PRKAR1A: variants seen among roughly 807,000 people sequenced by gnomAD.
PRKAR1A encodes the protein cAMP-dependent protein kinase type I-alpha regulatory subunit.
PRKAR1A carries 3 observed loss-of-function variants against 52.0 expected under a neutral mutation model. The ratio of observed to expected loss-of-function variants is 0.06; its 90% CI spans 0.03 to 0.15. PRKAR1A has a LOEUF of 0.15. PRKAR1A is among the 10% of genes least tolerant of loss of function. The probability of loss-of-function intolerance (pLI) is 1.00; values close to 1 mark genes in which losing one functional copy is unlikely to be tolerated. For synonymous variants in PRKAR1A, 188 were observed against 168.4 expected (o/e 1.12, Z -0.90); for missense variants, 240 against 477.4 (o/e 0.50, Z 4.63).
rs541902537 is a variant in PRKAR1A, at chr17:68,531,222, C to T, written c.*773C>T. 10 of 1,066,240 alleles carry T rather than the reference C, an allele frequency of 9.4e-6. No homozygotes were observed. The highest frequency in any genetic ancestry group is 4.2e-4 in the Middle Eastern group (1 of 2,400). The allele number at this position is 1,066,240 out of a possible 1,614,324, so 66.0% of individuals were successfully genotyped here. On this transcript the variant is annotated 3_prime_UTR_variant, in exon 11 of 11. Transcript: ENST00000589228. ...TACATCTGCCTCGGCTCACAAATTC[C>T]GATTAGACCTTTATCCAGCTAGTGC...
At chr17:68,443,013 C>T in the PRKAR1A span, among the ~76,000 whole-genome samples, 4 of 152,330 alleles carry the variant, frequency 2.6e-5, no homozygotes, top group African/African-American at 7.2e-5. Context: ...CTTCACGTAC[C>T]GTCTTCCATT....
chr17:68,437,161 G>A, the PRKAR1A span, among the ~76,000 whole-genome samples: 1 of 152,188 alleles, frequency 6.6e-6, no homozygotes, highest in Non-Finnish European at 1.5e-5. Flanking sequence ...TTCCTATAGT[G>A]AAAAGTCAGT....
At chr17:68,457,854 C>T in the PRKAR1A span, among the ~76,000 whole-genome samples, 1 of 152,136 alleles carries the variant, frequency 6.6e-6, no homozygotes, top group African/African-American at 2.4e-5. Flanking sequence ...GCCCACGTGG[C>T]GGTGTTTTCA....
the PRKAR1A span, chr17:68,424,669 A>G: frequency 2.8e-6 from 1 of 361,888 alleles, no homozygotes; most frequent in South Asian, 2.0e-5. Flanking sequence ...TGAGGTCAGG[A>G]GTTTGAGACC....
chr17:68,432,601 G>C, the PRKAR1A span, among the ~76,000 whole-genome samples: 1 of 152,144 alleles, frequency 6.6e-6, no homozygotes, highest in East Asian at 1.9e-4. Context: ...GTATCAGCGT[G>C]ATAAGGTGCC....
At chr17:68,534,560 C>CTTTTTTTTTTTTTTTTTTTTCTT (rs34994040), downstream of PRKAR1A, among the ~76,000 whole-genome samples, 2 of 111,054 alleles carry the variant, frequency 1.8e-5, no homozygotes, top group Non-Finnish European at 3.7e-5. Context: ...TTTTTAGTGC[C>CTTTTTTTTTTTTTTTTTTTTCTT]TTTTTTTTTT....
chr17:68,512,847 C>G (rs949924187), intron 1 of PRKAR1A: 1 of 152,162 alleles, frequency 6.6e-6, no homozygotes, highest in Admixed American at 6.5e-5. Flanking sequence ...CCGCGGCCCT[C>G]CCCGGCCGCC....
intron 11 of PRKAR1A, chr17:68,541,031 C>T (rs1289761487): frequency 3.9e-6 from 6 of 1,545,746 alleles, no homozygotes; most frequent in Non-Finnish European, 5.2e-6. Flanking sequence ...CCACACCTCC[C>T]CCTGCCCCCC....
intron 11 of PRKAR1A, among the ~76,000 whole-genome samples, chr17:68,546,901 ATGT>A (rs1401091978): frequency 2.0e-5 from 3 of 151,404 alleles, no homozygotes; most frequent in Admixed American, 2.0e-4. Flanking sequence ...TGCAGAATGG[ATGT>A]TGTGTTAGCA....
the PRKAR1A span, among the ~76,000 whole-genome samples, chr17:68,439,497 G>A: frequency 1.3e-5 from 2 of 152,130 alleles, no homozygotes; most frequent in African/African-American, 4.8e-5. Context: ...GGGAGTGATG[G>A]CTTAGAGGTA....
the PRKAR1A span, among the ~76,000 whole-genome samples, chr17:68,479,387 G>A: frequency 6.6e-6 from 1 of 152,050 alleles, no homozygotes; most frequent in East Asian, 1.9e-4. Context: ...TTGCAATTTT[G>A]CTTTGCTATT....
At chr17:68,510,009 G>T (rs1269495148), upstream of PRKAR1A, among the ~76,000 whole-genome samples, 3 of 152,154 alleles carry the variant, frequency 2.0e-5, no homozygotes, top group African/African-American at 7.2e-5. Context: ...AACTGCACTT[G>T]GAAGGTAACA....
At chr17:68,477,965 C>A in the PRKAR1A span, among the ~76,000 whole-genome samples, 1 of 152,134 alleles carries the variant, frequency 6.6e-6, no homozygotes, top group Non-Finnish European at 1.5e-5. Context: ...TCAGGTGATC[C>A]GCCTGCCTCA....
the PRKAR1A span, among the ~76,000 whole-genome samples, chr17:68,433,776 T>TTTTTG: frequency 1.6e-4 from 10 of 63,124 alleles, no homozygotes; most frequent in African/African-American, 4.5e-4. Context: ...TTTTTTTTTT[T>TTTTTG]TTTTTTTTTT....
downstream of PRKAR1A, chr17:68,536,083 C>T (rs1270475754): frequency 2.2e-6 from 1 of 453,988 alleles, no homozygotes; most frequent in African/African-American, 2.0e-5. Flanking sequence ...TTTAGAGAGA[C>T]ACAAAGTCCA....
At chr17:68,536,864 T>G (rs1456922945), downstream of PRKAR1A, 1 of 454,160 alleles carries the variant, frequency 2.2e-6, no homozygotes, top group Non-Finnish European at 4.4e-6. Flanking sequence ...CAAATCCCTC[T>G]TTTATTTTTG....
chr17:68,474,358 T>C, the PRKAR1A span, among the ~76,000 whole-genome samples: 4 of 152,180 alleles, frequency 2.6e-5, no homozygotes, highest in Non-Finnish European at 4.4e-5. Context: ...ATAAAAAGGA[T>C]GCTGACAGAA....
intron 11 of PRKAR1A, among the ~76,000 whole-genome samples, chr17:68,549,033 G>A (rs1215294688): frequency 6.6e-6 from 1 of 152,048 alleles, no homozygotes; most frequent in South Asian, 2.1e-4. Context: ...TGCCCAGCCT[G>A]CCTGTATTTG....
Position 68,532,012 on chromosome 17 carries a change from A to AT in PRKAR1A, c.*1570dup, listed in dbSNP as rs1459218842. The AT allele has an allele frequency of 1.5e-5, 16 of 1,065,324 alleles. No homozygotes were observed. Among genetic ancestry groups the AT allele is most frequent in the Non-Finnish European group, 1.5e-5 (13 of 879,164 alleles). 66.0% of individuals were successfully genotyped at this position (1,065,324 alleles called of 1,614,324 possible). On this transcript the variant is annotated 3_prime_UTR_variant, in exon 11 of 11. Coordinates refer to ENST00000589228, the MANE Select transcript of PRKAR1A (RefSeq NM_002734.5). ...AGGTAATTTAAATTGGTCATGGTAG[A>AT]TTTTTTTCATAGATTTGAAAAACTT...
Sources: gnomAD v4.1 joint callset for allele counts (sites outside exome capture counted in the v4.1 genomes callset) on GRCh38, gnomAD v4.1.1 for gene constraint, MANE v1.5 for transcripts, NCBI Gene and HGNC (gene_info 2026-07-23, HGNC 2026-07-21) for gene names.